The following TJP2 variants were observed in gnomAD, a reference collection of about 807,000 sequenced individuals.
TJP2 encodes Friedreich ataxia region gene X104 (tight junction protein ZO-2).
TJP2 carries 91 observed loss-of-function variants against 133.1 expected under a neutral mutation model. That is an observed-to-expected ratio of 0.68 (90% CI 0.58 to 0.81). TJP2 has a LOEUF of 0.81. Among genes scored for constraint, TJP2 ranks in the 40% least tolerant of loss-of-function variants. TJP2 has a pLI of 0.00. For missense variants in TJP2, 1,541 were observed against 1,565.6 expected (o/e 0.98, Z 0.26); for synonymous variants, 592 against 583.4 (o/e 1.01, Z -0.21).
chr9:69,182,997 A>G (rs909737024), intron 1 of TJP2, among the ~76,000 whole-genome samples: 6 of 150,414 alleles, frequency 4.0e-5, no homozygotes, highest in Non-Finnish European at 7.4e-5. Context: ...AGGTTTCTTC[A>G]TGTTGGTCAG....
chr9:69,254,192 C>T lies in TJP2; in HGVS notation c.3408-17C>T, dbSNP rs368974680. The T allele has an allele frequency of 1.1e-4, 182 of 1,614,100 alleles. No homozygotes were observed. The African/African-American group carries it at 1.8e-3, about 16-fold the overall frequency. ...TGGATGTGCTCTGGAATGTCTTTAACACCCTTTTTTTGTTAGTTCCAGACC... is the reference window on the plus strand; with the variant it reads ...TGGATGTGCTCTGGAATGTCTTTAATACCCTTTTTTTGTTAGTTCCAGACC... On this transcript the variant is annotated splice_polypyrimidine_tract_variant and intron_variant, in intron 22 of 22. Coordinates refer to ENST00000377245, the MANE Select transcript of TJP2 (RefSeq NM_004817.4).
intron 1 of TJP2, among the ~76,000 whole-genome samples, chr9:69,207,411 A>G (rs1379322411): frequency 6.6e-6 from 1 of 152,116 alleles, no homozygotes; most frequent in African/African-American, 2.4e-5. Flanking sequence ...CATTGCAGTA[A>G]AACATTGTAT....
At chr9:69,251,393 A>C in intron 21 of TJP2, 29 bp downstream of exon 21, 1 of 1,600,620 alleles carries the variant, frequency 6.2e-7, no homozygotes, top group South Asian at 1.1e-5. Flanking sequence ...CACATCATCA[A>C]TAAGAGTTTT....
rs73452907 is a variant in TJP2 at position 69,241,832 on chromosome 9, T to A, written c.2566+1685T>A. On this transcript the variant is annotated intron_variant, in intron 17 of 22. Transcript: ENST00000377245. ...AGCCCAGACTAAACTATAGCGTCCC[T>A]AACTGTCCAATATTGTACATATGTT... is the stretch of plus-strand genomic sequence containing the variant. Among the ~76,000 whole-genome samples, 193 of 152,330 alleles carry A rather than the reference T, an allele frequency of 1.3e-3. 2 individuals are homozygous for A. Among genetic ancestry groups the A allele is most frequent in the African/African-American group, 4.5e-3 (186 of 41,574 alleles).
chr9:69,198,024 G>A (rs560582362), intron 1 of TJP2, among the ~76,000 whole-genome samples: 2 of 152,302 alleles, frequency 1.3e-5, no homozygotes, highest in South Asian at 4.1e-4. Flanking sequence ...GTGAATTGAG[G>A]CGCAGTCTTG....
At chr9:69,234,312 A>C in intron 11 of TJP2, 127 bp from the exon 12 acceptor site, 57 of 704,362 alleles carry the variant, frequency 8.1e-5, no homozygotes, top group Non-Finnish European at 1.2e-4. Context: ...TGCTCTGGAC[A>C]GGCCCTGATG....
At chr9:69,186,576 G>A (rs1000398858) in intron 1 of TJP2, among the ~76,000 whole-genome samples, 1 of 152,210 alleles carries the variant, frequency 6.6e-6, no homozygotes, top group Non-Finnish European at 1.5e-5. Context: ...TACAGTGGCT[G>A]ATACACAATG....
At chr9:69,154,602 G>A (rs1395149868) in intron 2 of TJP2, among the ~76,000 whole-genome samples, 2 of 150,362 alleles carry the variant, frequency 1.3e-5, no homozygotes, top group African/African-American at 4.9e-5. Context: ...GCACCTGGGC[G>A]ACATAGACCG....
rs781702906 is a variant in TJP2 at position 69,237,127 on chromosome 9, C to G, written c.2170C>G (p.Leu724Val). ...GTTCCCAGCTTATGAGAGGGTTTTG[C>G]TGCGAGAAGGTGAGGAAGTCACATG... ...TKFPAYERVL[L>V]REAGFKRPVV... Residue 724 changes from leucine (L) to valine (V), a missense_variant, in exon 14 of 23, where the codon CTG becomes GTG. Coordinates refer to ENST00000377245, the MANE Select transcript of TJP2 (RefSeq NM_004817.4). 2.5e-6 allele frequency: 4 copies of G among 1,613,910 alleles called. No homozygotes were observed. The East Asian group carries it at 8.9e-5, about 36-fold the overall frequency.
At chr9:69,155,304 T>G (rs527903569) in intron 2 of TJP2, among the ~76,000 whole-genome samples, 94 of 151,950 alleles carry the variant, frequency 6.2e-4, no homozygotes, top group Non-Finnish European at 1.1e-3. Context: ...CTTTTACTTC[T>G]GTGCACCTGG....
At chr9:69,160,319 A>C (rs1248375353) in intron 2 of TJP2, among the ~76,000 whole-genome samples, 1 of 152,250 alleles carries the variant, frequency 6.6e-6, no homozygotes, top group Non-Finnish European at 1.5e-5. Context: ...TGGAGGTAGG[A>C]AAAGCTGAAA....
intron 2 of TJP2, among the ~76,000 whole-genome samples, chr9:69,162,124 T>A (rs1824107613): frequency 6.8e-6 from 1 of 148,042 alleles, no homozygotes; most frequent in East Asian, 1.9e-4. Flanking sequence ...AATATAATTT[T>A]TATATATTAT....
At chr9:69,188,646 CTG>C (rs1454468722) in intron 1 of TJP2, among the ~76,000 whole-genome samples, 1 of 152,182 alleles carries the variant, frequency 6.6e-6, no homozygotes, top group African/African-American at 2.4e-5. Context: ...TCAGAGACCT[CTG>C]TGTGTTCATT....
Position 69,174,440 on chromosome 9 carries a change from C to A in TJP2, c.60+8C>A. The stretch of plus-strand genomic sequence containing the variant: ...CTGTCAGGTTGGCTCCGCGTAAGTG[C>A]CTCCTTGTGCCGCGCGGTTGGGAGG... On this transcript the variant is annotated splice_region_variant and intron_variant, in intron 1 of 22. Transcript: ENST00000377245. The A allele has an allele frequency of 6.4e-7, 1 of 1,550,596 alleles. No individual in the cohort carries two copies. The highest frequency in any genetic ancestry group is 1.8e-4 in the Middle Eastern group (1 of 5,606).
At chr9:69,182,116 T>A (rs1825558052) in intron 1 of TJP2, among the ~76,000 whole-genome samples, 1 of 152,232 alleles carries the variant, frequency 6.6e-6, no homozygotes, top group Non-Finnish European at 1.5e-5. Context: ...TACTGGTCAC[T>A]GCTGCAAAAA....
intron 17 of TJP2, among the ~76,000 whole-genome samples, chr9:69,242,492 G>T (rs1203944769): frequency 5.3e-5 from 8 of 152,190 alleles, no homozygotes; most frequent in Admixed American, 5.2e-4. Flanking sequence ...TCAAGTCAGA[G>T]ATTGGAATGG....
intron 1 of TJP2, among the ~76,000 whole-genome samples, chr9:69,122,646 C>T (rs987714731): frequency 2.0e-5 from 3 of 152,152 alleles, no homozygotes; most frequent in African/African-American, 7.2e-5. Flanking sequence ...CACTGAATTC[C>T]AGGCATTCTT....
intron 2 of TJP2, among the ~76,000 whole-genome samples, chr9:69,156,624 C>G (rs1385962990): frequency 6.9e-6 from 1 of 145,252 alleles, no homozygotes; most frequent in Non-Finnish European, 1.5e-5. Flanking sequence ...CTCCGCCTTC[C>G]GGGTTCACGC....
chr9:69,170,520 A>T (rs1824621229), upstream of TJP2, among the ~76,000 whole-genome samples: 2 of 152,214 alleles, frequency 1.3e-5, no homozygotes, highest in Admixed American at 6.5e-5. Flanking sequence ...TCATTATTAG[A>T]TACAGGCATA....
Sources: gnomAD v4.1 joint callset for allele counts (sites outside exome capture counted in the v4.1 genomes callset) on GRCh38, gnomAD v4.1.1 for gene constraint, MANE v1.5 for transcripts, NCBI Gene and HGNC (gene_info 2026-07-23, HGNC 2026-07-21) for gene names.